Variants in RAB2A observed in about 807,000 individuals in gnomAD.
RAB2A encodes ras-related protein Rab-2A.
RAB2A carries 7 observed loss-of-function variants against 32.5 expected under a neutral mutation model. The ratio of observed to expected loss-of-function variants is 0.22; its 90% CI spans 0.12 to 0.40. The LOEUF (loss-of-function observed/expected upper bound fraction) is 0.40. Among genes scored for constraint, RAB2A ranks in the 10% least tolerant of loss-of-function variants. The pLI is 1.00. For missense variants in RAB2A, 108 were observed against 260.7 expected (o/e 0.41, Z 4.03); for synonymous variants, 79 against 85.2 (o/e 0.93, Z 0.40).
In RAB2A at chr8:60,620,898, A is replaced by G. The variant is rs976983173; in HGVS notation, c.*129A>G. ...TGTCACAGAAGACTTTAATCCGTCA[A>G]ATTCTTGTATAACTTTGAATAAATG... On this transcript the variant is annotated 3_prime_UTR_variant, in exon 8 of 8. Transcript: ENST00000262646. The G allele has an allele frequency of 5.9e-6, 4 of 682,854 alleles. No homozygotes were observed. The highest frequency in any genetic ancestry group is 9.3e-6 in the Non-Finnish European group (4 of 428,446). The allele number at this position is 682,854 out of a possible 1,614,324, so 42.3% of individuals were successfully genotyped here.
In RAB2A at chr8:60,544,061, CAAAA is replaced by C. The variant is rs532347157; in HGVS notation, c.47-14774_47-14771del. Among the ~76,000 whole-genome samples the C allele has an allele frequency of 1.0e-3, 96 of 93,732 alleles. 1 individual carries two copies. The highest frequency in any genetic ancestry group is 7.2e-3 in the South Asian group (22 of 3,046). 61.5% of individuals were successfully genotyped at this position (93,732 alleles called of 152,430 possible). A position where few individuals can be genotyped will look rare whatever the true frequency, so the allele number is the denominator to read the frequency against. On this transcript the variant is annotated intron_variant, in intron 1 of 7. Coordinates refer to ENST00000262646, the MANE Select transcript of RAB2A (RefSeq NM_002865.3). ...TGGGTGACAGAGTGAGACTCCGTCT[CAAAA>C]AAAAAAAAAAAAAAAAGTGATAAAT... is the stretch of plus-strand genomic sequence containing the variant.
intron 3 of RAB2A, among the ~76,000 whole-genome samples, chr8:60,577,211 A>G (rs961195406): frequency 2.0e-5 from 3 of 151,174 alleles, no homozygotes; most frequent in African/African-American, 4.9e-5. Context: ...ACTCCCAGCT[A>G]ATTTTTTTTT....
intron 6 of RAB2A, among the ~76,000 whole-genome samples, chr8:60,606,755 A>G (rs1280746543): frequency 6.6e-6 from 1 of 152,268 alleles, no homozygotes; most frequent in African/African-American, 2.4e-5. Flanking sequence ...TGCCCAAGCT[A>G]TACCTGGGCC....
chr8:60,604,216 C>T (rs1651015078), intron 6 of RAB2A, among the ~76,000 whole-genome samples: 1 of 152,204 alleles, frequency 6.6e-6, no homozygotes, highest in South Asian at 2.1e-4. Flanking sequence ...TTGTAAGTTT[C>T]CTGAGGCCTC....
rs201621960 is a variant in RAB2A, at chr8:60,524,680, G to C, written c.46+7427G>C. Among the ~76,000 whole-genome samples the C allele has an allele frequency of 2.6e-4, 40 of 152,250 alleles. No homozygotes were observed. The East Asian group carries it at 6.2e-3, about 23-fold the overall frequency. The stretch of plus-strand genomic sequence containing the variant: ...TTCTTAACTCAAACTATTAATATTT[G>C]GTTCTCATCCATGGAAATGCTGTTT... On this transcript the variant is annotated intron_variant, in intron 1 of 7. Coordinates refer to ENST00000262646, the MANE Select transcript of RAB2A (RefSeq NM_002865.3).
intron 5 of RAB2A, chr8:60,591,656 CT>C (rs1195721000): frequency 2.6e-6 from 1 of 388,812 alleles, no homozygotes; most frequent in Non-Finnish European, 4.7e-6. Context: ...AATCTTTCTT[CT>C]GTTGGATTGT....
intron 2 of RAB2A, among the ~76,000 whole-genome samples, chr8:60,565,129 G>C (rs1808084725): frequency 6.6e-6 from 1 of 152,134 alleles, no homozygotes; most frequent in African/African-American, 2.4e-5. Context: ...AAACCAGTCA[G>C]CCTATAAGAA....
chr8:60,594,328 A>G (rs149451718), intron 6 of RAB2A, among the ~76,000 whole-genome samples: 5 of 152,292 alleles, frequency 3.3e-5, no homozygotes, highest in African/African-American at 1.2e-4. Context: ...GAACCTCTGT[A>G]TGGTCAAATT....
At chr8:60,588,693 C>A (rs1803885824) in intron 5 of RAB2A, among the ~76,000 whole-genome samples, 1 of 152,126 alleles carries the variant, frequency 6.6e-6, no homozygotes, top group African/African-American at 2.4e-5. Flanking sequence ...GGATGGATTA[C>A]AATGGAGTAT....
intron 6 of RAB2A, among the ~76,000 whole-genome samples, chr8:60,594,844 G>A (rs1586104290): frequency 6.6e-6 from 1 of 152,166 alleles, no homozygotes; most frequent in Non-Finnish European, 1.5e-5. Flanking sequence ...GTATTCCATG[G>A]TGTATATGTG....
At chr8:60,618,392 T>C (rs890914227) in intron 6 of RAB2A, among the ~76,000 whole-genome samples, 188 bp from the exon 7 acceptor site, 3 of 152,188 alleles carry the variant, frequency 2.0e-5, no homozygotes, top group African/African-American at 7.2e-5. Context: ...TGAGGGCTTG[T>C]TTATTAATAT....
In RAB2A at chr8:60,556,664, AG is replaced by A. The variant is rs1202075455; in HGVS notation, c.47-2186del. On this transcript the variant is annotated intron_variant, in intron 1 of 7. Coordinates refer to ENST00000262646, the MANE Select transcript of RAB2A (RefSeq NM_002865.3). ...AATAAAAAAAAAAAAAAAAAAAAAG[AG>A]GAAGAAGAAGAATATGGAATCCTGA... 3.5e-5 allele frequency among the ~76,000 whole-genome samples: 5 copies of A among 144,174 alleles called. No individual in the cohort carries two copies. In the East Asian group the frequency reaches 1.0e-3, roughly 30 times the overall value. The allele number at this position is 144,174 out of a possible 152,430, so 94.6% of individuals were successfully genotyped here.
intron 1 of RAB2A, among the ~76,000 whole-genome samples, chr8:60,539,710 A>G (rs903400489): frequency 6.6e-6 from 1 of 152,242 alleles, no homozygotes; most frequent in Non-Finnish European, 1.5e-5. Context: ...AGGAACTGGA[A>G]GAAAGTATGG....
intron 3 of RAB2A, among the ~76,000 whole-genome samples, chr8:60,575,750 C>T (rs892314924): frequency 2.0e-5 from 3 of 150,006 alleles, no homozygotes; most frequent in South Asian, 2.1e-4. Context: ...CTCCGCCTCC[C>T]GGGTTCAAGC....
At chr8:60,547,703 G>A (rs1382287232) in intron 1 of RAB2A, among the ~76,000 whole-genome samples, 1 of 116,564 alleles carries the variant, frequency 8.6e-6, no homozygotes, top group East Asian at 3.1e-4. Flanking sequence ...GGGCGGGGGG[G>A]CTGACCCCCC....
intron 6 of RAB2A, among the ~76,000 whole-genome samples, chr8:60,597,740 C>T (rs1269764597): frequency 6.6e-6 from 1 of 152,106 alleles, no homozygotes; most frequent in Non-Finnish European, 1.5e-5. Context: ...AAACAAAAAT[C>T]AGTGAAACAA....
At chr8:60,568,192 C>T (rs752777224) in intron 2 of RAB2A, among the ~76,000 whole-genome samples, 6 of 152,210 alleles carry the variant, frequency 3.9e-5, no homozygotes, top group Non-Finnish European at 8.8e-5. Flanking sequence ...CCTAGCTGTG[C>T]TCTCTGCTTA....
At chr8:60,620,556 C>G in intron 7 of RAB2A, 118 bp from the exon 8 acceptor site, 1 of 718,270 alleles carries the variant, frequency 1.4e-6, no homozygotes, top group Non-Finnish European at 2.4e-6. Flanking sequence ...AATCTACTTG[C>G]TGTATTTTTC....
chr8:60,535,626 T>C (rs1405648469), intron 1 of RAB2A, among the ~76,000 whole-genome samples: 1 of 152,226 alleles, frequency 6.6e-6, no homozygotes, highest in Non-Finnish European at 1.5e-5. Flanking sequence ...CTCTGGTTAA[T>C]GTAAACAGAA....
Sources: allele counts gnomAD v4.1 joint callset (sites outside exome capture counted in the v4.1 genomes callset), GRCh38; gene constraint gnomAD v4.1.1; transcripts MANE v1.5; gene names NCBI Gene and HGNC (gene_info 2026-07-23, HGNC 2026-07-21).